Variants in ADCY3 observed in about 807,000 individuals in gnomAD.
ADCY3 encodes adenylate cyclase 3.
ADCY3 carries 70 observed loss-of-function variants against 119.4 expected under a neutral mutation model. The observed-to-expected ratio is 0.59, with a 90% CI of 0.48 to 0.72. The LOEUF is 0.72. Among genes scored for constraint, ADCY3 ranks in the 30% least tolerant of loss-of-function variants. The probability of loss-of-function intolerance (pLI) is 0.00; values close to 1 mark genes in which losing one functional copy is unlikely to be tolerated. For synonymous variants in ADCY3, 672 were observed against 621.4 expected (o/e 1.08, Z -1.21); for missense variants, 1,238 against 1,541.6 (o/e 0.80, Z 3.30).
intron 3 of ADCY3, among the ~76,000 whole-genome samples, chr2:24,846,023 C>G (rs1479958111): frequency 6.6e-6 from 1 of 152,222 alleles, no homozygotes; most frequent in African/African-American, 2.4e-5. Flanking sequence ...GATTGGGGAA[C>G]CTCTGCCTAG....
At chr2:24,840,056 G>C (rs369106390) in intron 6 of ADCY3, 25 bp from the exon 7 acceptor site, 1 of 1,593,224 alleles carries the variant, frequency 6.3e-7, no homozygotes, top group Non-Finnish European at 8.6e-7. Flanking sequence ...CAGAAAGGAG[G>C]GTCAGGGTGT....
Position 24,834,654 on chromosome 2 carries a change from G to A in ADCY3, c.1806-8C>T, listed in dbSNP as rs2148509799. On this transcript the variant is annotated splice_polypyrimidine_tract_variant and splice_region_variant and intron_variant, in intron 10 of 21. Coordinates refer to ENST00000679454, the MANE Select transcript of ADCY3 (RefSeq NM_004036.5). The surrounding 1 kb of genome is among the most constrained non-coding windows in gnomAD (Gnocchi z 4.2). ...GTGTTTCTCTTCTTTACTCTGCAGT[G>A]GGAACAAGCCCCATGAATCCCAAAT... 2.5e-6 allele frequency: 4 copies of A among 1,613,480 alleles called. No individual in the cohort carries two copies. In the South Asian group the frequency reaches 4.4e-5, roughly 18 times the overall value.
At chr2:24,833,292 C>T (rs776636810) in intron 11 of ADCY3, among the ~76,000 whole-genome samples, 1 of 152,178 alleles carries the variant, frequency 6.6e-6, no homozygotes, top group Non-Finnish European at 1.5e-5. Flanking sequence ...GCTACTCTTC[C>T]TGTGGCCCGT....
chr2:24,863,844 T>C (rs1011063630), intron 3 of ADCY3, among the ~76,000 whole-genome samples: 6 of 152,228 alleles, frequency 3.9e-5, no homozygotes, highest in Admixed American at 6.5e-5. Context: ...ACTCCTGCCT[T>C]GAGGCTGGTT....
At chr2:24,839,262 C>A (rs1409941644) in intron 7 of ADCY3, among the ~76,000 whole-genome samples, 2 of 152,146 alleles carry the variant, frequency 1.3e-5, no homozygotes, top group Non-Finnish European at 2.9e-5. Flanking sequence ...TTGCACGTTT[C>A]TCAGTTGCAA....
chr2:24,841,147 C>T lies in ADCY3; in HGVS notation c.1196+112G>A. On this transcript the variant is annotated intron_variant, in intron 6 of 21. Coordinates refer to ENST00000679454, the MANE Select transcript of ADCY3 (RefSeq NM_004036.5). The surrounding 1 kb of genome is among the most constrained non-coding windows in gnomAD (Gnocchi z 5.8). ...AGTGCTGTGTCCCAGTCTCTGCTTC[C>T]AGCAGATCCCCCACCCAGGGGCCAT... The T allele has an allele frequency of 8.0e-7, 1 of 1,247,696 alleles. No homozygotes were observed. The highest frequency in any genetic ancestry group is 2.6e-5 in the East Asian group (1 of 38,488). The allele number at this position is 1,247,696 out of a possible 1,614,324, so 77.3% of individuals were successfully genotyped here.
At chr2:24,888,563 G>C (rs1677330012) in intron 2 of ADCY3, among the ~76,000 whole-genome samples, 1 of 152,240 alleles carries the variant, frequency 6.6e-6, no homozygotes, top group South Asian at 2.1e-4. Flanking sequence ...CGTGGAATAA[G>C]CACTGTCTTT....
At chr2:24,887,631 C>A (rs7583654) in intron 2 of ADCY3, among the ~76,000 whole-genome samples, 5 of 151,784 alleles carry the variant, frequency 3.3e-5, no homozygotes, top group East Asian at 1.9e-4. Context: ...CCCACTCCCC[C>A]CCGACACACA....
rs1673625329 is a variant in ADCY3, at chr2:24,861,290, T to A, written c.825+11280A>T. Reference sequence around the variant, plus strand: ...AAAAAGATAAGAGCACCTGACCAAATAAAAAGTGAGACATGGACCCTGGGC... The same window carrying A: ...AAAAAGATAAGAGCACCTGACCAAAAAAAAAGTGAGACATGGACCCTGGGC... On this transcript the variant is annotated intron_variant, in intron 3 of 21. Transcript: ENST00000679454. 5.4e-5 allele frequency among the ~76,000 whole-genome samples: 8 copies of A among 147,806 alleles called. No homozygotes were observed. In the South Asian group the frequency reaches 1.7e-3, roughly 32 times the overall value.
chr2:24,827,885 G>A lies in ADCY3; in HGVS notation c.2432+17C>T, dbSNP rs767110396. The stretch of plus-strand genomic sequence containing the variant: ...AGGAAGGAGACAATACAGATCCCCA[G>A]TCACGCTTCATCTTACTCGTGCTCC... On this transcript the variant is annotated intron_variant, in intron 14 of 21. Coordinates refer to ENST00000679454, the MANE Select transcript of ADCY3 (RefSeq NM_004036.5). The A allele has an allele frequency of 1.2e-6, 2 of 1,613,434 alleles. No homozygotes were observed. Among genetic ancestry groups the A allele is most frequent in the South Asian group, 1.1e-5 (1 of 91,082 alleles).
Position 24,919,122 on chromosome 2 carries a change from G to C in ADCY3, c.-135C>G, listed in dbSNP as rs1247232170. The C allele has an allele frequency of 2.2e-6, 2 of 892,360 alleles. No homozygotes were observed. The highest frequency in any genetic ancestry group is 3.3e-6 in the Non-Finnish European group (2 of 603,094). The allele number at this position is 892,360 out of a possible 1,614,324, so 55.3% of individuals were successfully genotyped here. ...CTCTTCTTGTCTGGGGCGGAGGGGA[G>C]GCCACCTCCAGCAGGAACGCAGAGC... On this transcript the variant is annotated 5_prime_UTR_variant, in exon 2 of 22. Coordinates refer to ENST00000679454, the MANE Select transcript of ADCY3 (RefSeq NM_004036.5). This position sits in a 1 kb window ranked among gnomAD's most constrained non-coding sequence, Gnocchi z 5.5.
intron 2 of ADCY3, among the ~76,000 whole-genome samples, chr2:24,879,337 G>C (rs376272513): frequency 2.0e-5 from 3 of 151,784 alleles, no homozygotes; most frequent in Non-Finnish European, 4.4e-5. Flanking sequence ...TTAGCCAGGC[G>C]TGGTGGGCAG....
At chr2:24,846,049 T>C (rs1013729527) in intron 3 of ADCY3, among the ~76,000 whole-genome samples, 3 of 152,196 alleles carry the variant, frequency 2.0e-5, no homozygotes, top group Non-Finnish European at 2.9e-5. Context: ...AGAAGATGTA[T>C]GGTAATGCCT....
chr2:24,855,006 C>A (rs956606488), intron 3 of ADCY3, among the ~76,000 whole-genome samples: 2 of 152,080 alleles, frequency 1.3e-5, no homozygotes, highest in African/African-American at 2.4e-5. Flanking sequence ...ACTGAGACTG[C>A]GCCACTGCAC....
Position 24,853,048 on chromosome 2 carries a change from G to A in ADCY3, c.826-10664C>T, listed in dbSNP as rs1447359839. On this transcript the variant is annotated intron_variant, in intron 3 of 21. Transcript: ENST00000679454. Reference sequence around the variant, plus strand: ...TGTGTGTGTGTGTGTGTGTGTGTGTGTGTGTGTGTGTGTGTGTGTAGGGGT... The same window carrying A: ...TGTGTGTGTGTGTGTGTGTGTGTGTATGTGTGTGTGTGTGTGTGTAGGGGT... Among the ~76,000 whole-genome samples, 3 of 132,434 alleles carry A rather than the reference G, an allele frequency of 2.3e-5. 1 individual carries two copies. Among genetic ancestry groups the A allele is most frequent in the Non-Finnish European group, 5.0e-5 (3 of 60,494 alleles). 86.9% of individuals were successfully genotyped at this position (132,434 alleles called of 152,430 possible). A position where few individuals can be genotyped will look rare whatever the true frequency, so the allele number is the denominator to read the frequency against.
Position 24,872,895 on chromosome 2 carries a change from C to A in ADCY3, c.676-176G>T, listed in dbSNP as rs1170099840. ...TTGGACCCCAGAGCCTCAGACACCA[C>A]CACATGTACCACGGATGGGTGGTCC... On this transcript the variant is annotated intron_variant, in intron 2 of 21. Coordinates refer to ENST00000679454, the MANE Select transcript of ADCY3 (RefSeq NM_004036.5). The surrounding 1 kb of genome is among the most constrained non-coding windows in gnomAD (Gnocchi z 4.4). Among the ~76,000 whole-genome samples, 5 of 152,218 alleles carry A rather than the reference C, an allele frequency of 3.3e-5. No homozygotes were observed. The highest frequency in any genetic ancestry group is 6.5e-5 in the Admixed American group (1 of 15,282).
chr2:24,855,870 C>A (rs1558459647), intron 3 of ADCY3, among the ~76,000 whole-genome samples: 1 of 152,190 alleles, frequency 6.6e-6, no homozygotes, highest in Non-Finnish European at 1.5e-5. Flanking sequence ...CTCCACAGGG[C>A]TCCGAGAAGG....
rs183690324 is a variant in ADCY3 at position 24,875,525 on chromosome 2, G to A, written c.676-2806C>T. ...GAGAGAGATGATTCCAGAGTGAGCC[G>A]CAGGAGCTGCGCTTGTGGTGGGAGA... On this transcript the variant is annotated intron_variant, in intron 2 of 21. Transcript: ENST00000679454. Among the ~76,000 whole-genome samples, 70 of 152,384 alleles carry A rather than the reference G, an allele frequency of 4.6e-4. No individual in the cohort carries two copies. The East Asian group carries it at 6.6e-3, about 14-fold the overall frequency.
chr2:24,873,682 T>C (rs542813849), intron 2 of ADCY3, among the ~76,000 whole-genome samples: 3 of 152,356 alleles, frequency 2.0e-5, no homozygotes, highest in South Asian at 2.1e-4. Flanking sequence ...GACCAAGTGC[T>C]AATCCTTCCT....
Sources: allele counts gnomAD v4.1 joint callset (sites outside exome capture counted in the v4.1 genomes callset), GRCh38; gene constraint gnomAD v4.1.1; non-coding constraint Gnocchi (gnomAD v3.1); transcripts MANE v1.5; gene names NCBI Gene and HGNC (gene_info 2026-07-23, HGNC 2026-07-21).